The following COMMD1 variants were observed in gnomAD, a reference collection of about 807,000 sequenced individuals.
COMMD1 encodes copper metabolism domain containing 1.
COMMD1 carries 10 observed loss-of-function variants against 17.2 expected under a neutral mutation model. The observed-to-expected ratio is 0.58, with a 90% CI of 0.36 to 0.99. The LOEUF (loss-of-function observed/expected upper bound fraction) is 0.99. Ranked by LOEUF, COMMD1 falls within the 50% of genes least tolerant of loss-of-function variation. The pLI is 0.01. For missense variants in COMMD1, 270 were observed against 231.8 expected (o/e 1.17, Z -1.07); for synonymous variants, 97 against 91.6 (o/e 1.06, Z -0.34).
intron 2 of COMMD1, among the ~76,000 whole-genome samples, chr2:62,078,300 T>C (rs1287797173): frequency 8.0e-6 from 1 of 125,304 alleles, no homozygotes; most frequent in Admixed American, 8.7e-5. Context: ...ATGCCTGTAA[T>C]CCCAGCACTT....
chr2:62,097,878 G>C (rs184053906), intron 2 of COMMD1, among the ~76,000 whole-genome samples: 7 of 152,234 alleles, frequency 4.6e-5, no homozygotes, highest in East Asian at 1.9e-4. Flanking sequence ...TTAGAAGTAG[G>C]GGGGAAACCC....
At chr2:62,072,469 T>C (rs947809058) in intron 2 of COMMD1, among the ~76,000 whole-genome samples, 4 of 152,168 alleles carry the variant, frequency 2.6e-5, no homozygotes, top group African/African-American at 9.7e-5. Flanking sequence ...TGCTGAGAGC[T>C]GTTCTGTCAC....
At chr2:62,052,825 A>G (rs1670575369) in intron 2 of COMMD1, among the ~76,000 whole-genome samples, 1 of 152,190 alleles carries the variant, frequency 6.6e-6, no homozygotes, top group Non-Finnish European at 1.5e-5. Flanking sequence ...CTATAATCCC[A>G]TCACTTTGGG....
At chr2:61,911,152 T>C (rs1027302759) in intron 1 of COMMD1, among the ~76,000 whole-genome samples, 1 of 151,198 alleles carries the variant, frequency 6.6e-6, no homozygotes, top group African/African-American at 2.4e-5. Flanking sequence ...ATTCATATAC[T>C]CTAGTACTCA....
At chr2:61,916,094 G>A (rs1203828318) in intron 1 of COMMD1, among the ~76,000 whole-genome samples, 1 of 151,740 alleles carries the variant, frequency 6.6e-6, no homozygotes, top group African/African-American at 2.4e-5. Context: ...CCTGAACCTC[G>A]ATCTACAGGT....
intron 1 of COMMD1, among the ~76,000 whole-genome samples, chr2:61,911,115 A>G (rs996523818): frequency 8.7e-5 from 13 of 150,262 alleles, no homozygotes; most frequent in African/African-American, 2.7e-4. Context: ...TTTAATGAAA[A>G]TTCTCCTTTT....
chr2:62,135,200 T>G (rs979976426), intron 2 of COMMD1, among the ~76,000 whole-genome samples: 1 of 152,180 alleles, frequency 6.6e-6, no homozygotes, highest in African/African-American at 2.4e-5. Flanking sequence ...GGGTCCTCAT[T>G]TTTAAAACAG....
upstream of COMMD1, chr2:61,905,501 C>T (rs1486882895): frequency 1.3e-5 from 8 of 607,384 alleles, no homozygotes; most frequent in Non-Finnish European, 2.0e-5. Context: ...TGGAGGTATC[C>T]TAAGGGGATG....
At chr2:61,943,099 C>T (rs1183398623) in intron 1 of COMMD1, among the ~76,000 whole-genome samples, 1 of 152,094 alleles carries the variant, frequency 6.6e-6, no homozygotes, top group Non-Finnish European at 1.5e-5. Flanking sequence ...TTAAAGCAGG[C>T]TGAAAAGAAA....
intron 2 of COMMD1, among the ~76,000 whole-genome samples, chr2:62,065,020 T>C (rs1670988127): frequency 6.6e-6 from 1 of 151,936 alleles, no homozygotes; most frequent in Non-Finnish European, 1.5e-5. Context: ...ATACAAAAAT[T>C]AGCTGGGCAT....
intron 2 of COMMD1, among the ~76,000 whole-genome samples, chr2:62,091,227 T>C (rs917042896): frequency 6.6e-6 from 1 of 152,244 alleles, no homozygotes; most frequent in African/African-American, 2.4e-5. Flanking sequence ...TGTATTATCT[T>C]TTAAAGCAGC....
intron 2 of COMMD1, among the ~76,000 whole-genome samples, chr2:62,125,455 G>A (rs1296798641): frequency 6.6e-6 from 1 of 152,100 alleles, no homozygotes; most frequent in Non-Finnish European, 1.5e-5. Flanking sequence ...GTTGTGATTT[G>A]CAGTATGATT....
At chr2:62,086,734 A>C (rs943833556) in intron 2 of COMMD1, among the ~76,000 whole-genome samples, 1 of 152,214 alleles carries the variant, frequency 6.6e-6, no homozygotes, top group African/African-American at 2.4e-5. Context: ...AGAACTAGAC[A>C]GTGAACCTAG....
At chr2:62,095,922 T>TATAATCCTGTGTGTATATATACATATAC (rs1671996804) in intron 2 of COMMD1, among the ~76,000 whole-genome samples, 2 of 145,486 alleles carry the variant, frequency 1.4e-5, no homozygotes, top group African/African-American at 5.1e-5. Context: ...TATACATATA[T>TATAATCCTGTGTGTATATATACATATAC]ATATATATGT....
chr2:62,111,152 C>T (rs1232540822), intron 2 of COMMD1, among the ~76,000 whole-genome samples: 1 of 152,146 alleles, frequency 6.6e-6, no homozygotes, highest in Non-Finnish European at 1.5e-5. Flanking sequence ...TTACAAGTTT[C>T]TCACAATAAT....
chr2:61,949,937 G>A lies in COMMD1; in HGVS notation c.180+44079G>A, dbSNP rs78824486. On this transcript the variant is annotated intron_variant, in intron 1 of 2. Coordinates refer to ENST00000311832, the MANE Select transcript of COMMD1 (RefSeq NM_152516.4). ...CACTGGCAGGTAGAAAACCAATAAC[G>A]AGAATGCAGTCACTGGATTCAAGCC... Among the ~76,000 whole-genome samples, 44 of 152,268 alleles carry A rather than the reference G, an allele frequency of 2.9e-4. No individual in the cohort carries two copies. The East Asian group carries it at 8.1e-3, about 28-fold the overall frequency.
At chr2:61,923,938 A>T (rs188220823) in intron 1 of COMMD1, among the ~76,000 whole-genome samples, 1 of 152,178 alleles carries the variant, frequency 6.6e-6, no homozygotes, top group Non-Finnish European at 1.5e-5. Context: ...CAGCACACCC[A>T]GTGAATTTTT....
intron 2 of COMMD1, among the ~76,000 whole-genome samples, chr2:62,113,743 C>T (rs1672518078): frequency 6.6e-6 from 1 of 152,194 alleles, no homozygotes; most frequent in Admixed American, 6.5e-5. Context: ...ATAGTATGTC[C>T]ATTGTCATCA....
rs1669755219 is a variant in COMMD1, at chr2:61,905,735, G to A, written c.57G>A (p.Leu19=). ...CCCTGAGCGGGCTGCTGAATGCGCT[G>A]GCCCAGGACACTTTCCACGGGTACC... ...GKPLSGLLNA[L]AQDTFHGYPG... The change falls in exon 1 of 3, where the codon CTG becomes CTA. Residue 19 remains leucine (L), a synonymous_variant. Transcript: ENST00000311832. 6.2e-7 allele frequency: 1 copy of A among 1,612,788 alleles called. No homozygotes were observed. Among genetic ancestry groups the A allele is most frequent in the East Asian group, 2.2e-5 (1 of 44,876 alleles).
Sources: gnomAD v4.1 joint callset for allele counts (sites outside exome capture counted in the v4.1 genomes callset) on GRCh38, gnomAD v4.1.1 for gene constraint, MANE v1.5 for transcripts, NCBI Gene and HGNC (gene_info 2026-07-23, HGNC 2026-07-21) for gene names.